The following MEGF10 variants were observed in gnomAD, a reference collection of about 807,000 sequenced individuals.
MEGF10 encodes the protein multiple epidermal growth factor-like domains protein 10.
Under a neutral mutation model 147.5 loss-of-function variants are expected in MEGF10, and 86 were observed. The observed-to-expected ratio is 0.58, with a 90% CI of 0.49 to 0.70. MEGF10 has a LOEUF of 0.70. Among genes scored for constraint, MEGF10 ranks in the 30% least tolerant of loss-of-function variants. The pLI is 0.00. For missense variants in MEGF10, 1,329 were observed against 1,487.3 expected, an observed-to-expected ratio of 0.89 and a Z score of 1.75; for synonymous variants, 478 against 525.5, an observed-to-expected ratio of 0.91 and a Z score of 1.24.
In MEGF10 at chr5:127,420,383, A is replaced by G. The variant is rs748315843; in HGVS notation, c.1590+176A>G. On this transcript the variant is annotated intron_variant, in intron 12 of 24. Transcript: ENST00000503335. ...TTGGACGTAGGATTGGAAAAGAGAT[A>G]GACATGGAAACTGGTTAGATAGGCT... is the stretch of plus-strand genomic sequence containing the variant. Among the ~76,000 whole-genome samples the G allele has an allele frequency of 7.7e-4, 117 of 152,308 alleles. 5 individuals carry two copies. The highest frequency in any genetic ancestry group is 8.5e-4 in the Admixed American group (13 of 15,300).
At chr5:127,269,184 TC>T in the MEGF10 span, among the ~76,000 whole-genome samples, 2 of 151,976 alleles carry the variant, frequency 1.3e-5, no homozygotes, top group African/African-American at 4.8e-5. Flanking sequence ...AGAGCACCTC[TC>T]CCCCTCCAAA....
intron 4 of MEGF10, among the ~76,000 whole-genome samples, chr5:127,341,808 A>G (rs1285442032): frequency 1.3e-5 from 2 of 152,194 alleles, no homozygotes; most frequent in Non-Finnish European, 2.9e-5. Flanking sequence ...TTGTTGCATT[A>G]TAAATATTTG....
intron 6 of MEGF10, among the ~76,000 whole-genome samples, chr5:127,397,897 G>T (rs967305463): frequency 2.0e-5 from 3 of 152,104 alleles, no homozygotes; most frequent in Non-Finnish European, 2.9e-5. Flanking sequence ...TGATGAGAAG[G>T]AGTTCATGTC....
At chr5:127,414,826 A>C (rs1016944771) in intron 9 of MEGF10, among the ~76,000 whole-genome samples, 1 of 152,220 alleles carries the variant, frequency 6.6e-6, no homozygotes, top group African/African-American at 2.4e-5. Context: ...GAGAAAGAAG[A>C]CATTAAAGGA....
At chr5:127,265,667 C>T in the MEGF10 span, among the ~76,000 whole-genome samples, 112 of 152,164 alleles carry the variant, frequency 7.4e-4, no homozygotes, top group Non-Finnish European at 1.1e-3. Context: ...TCTCTGATGG[C>T]CAGTGGTGAT....
chr5:127,369,403 G>A (rs898011343), intron 4 of MEGF10, among the ~76,000 whole-genome samples: 3 of 152,128 alleles, frequency 2.0e-5, no homozygotes, highest in Admixed American at 6.5e-5. Flanking sequence ...AAAAGAGCAA[G>A]CAATTCTGCT....
chr5:127,377,360 C>T (rs1763071405), intron 5 of MEGF10, among the ~76,000 whole-genome samples: 1 of 152,174 alleles, frequency 6.6e-6, no homozygotes, highest in South Asian at 2.1e-4. Flanking sequence ...CTAAATCAGC[C>T]AGCATATGGT....
chr5:127,357,989 C>T (rs545768915), intron 4 of MEGF10, among the ~76,000 whole-genome samples: 9 of 152,266 alleles, frequency 5.9e-5, no homozygotes, highest in African/African-American at 2.2e-4. Context: ...CCTCTGAAGG[C>T]ATTTGAGTTT....
the MEGF10 span, among the ~76,000 whole-genome samples, chr5:127,234,656 A>C: frequency 6.6e-6 from 1 of 152,174 alleles, no homozygotes; most frequent in Non-Finnish European, 1.5e-5. Flanking sequence ...ATTCACATAG[A>C]TCATACTGAA....
At chr5:127,234,772 A>G in the MEGF10 span, among the ~76,000 whole-genome samples, 1 of 151,454 alleles carries the variant, frequency 6.6e-6, no homozygotes. Context: ...CTCACTTTTT[A>G]CTTTTCTATG....
chr5:127,277,596 T>C, the MEGF10 span, among the ~76,000 whole-genome samples: 6 of 152,278 alleles, frequency 3.9e-5, no homozygotes, highest in African/African-American at 1.4e-4. Flanking sequence ...ATGATCTAAC[T>C]TATGTTTTAA....
At chr5:127,336,392 T>C (rs2126792950) in intron 2 of MEGF10, among the ~76,000 whole-genome samples, 1 of 152,188 alleles carries the variant, frequency 6.6e-6, no homozygotes, top group Non-Finnish European at 1.5e-5. Flanking sequence ...AGGAATTGCA[T>C]AGAAGTTGCT....
At chr5:127,444,770 A>G (rs938634571) in intron 19 of MEGF10, 8 of 152,464 alleles carry the variant, frequency 5.2e-5, no homozygotes, top group Non-Finnish European at 1.2e-4. Flanking sequence ...AACTTTGCAC[A>G]GAACAATATC....
chr5:127,408,053 T>A (rs1475620382), intron 8 of MEGF10, among the ~76,000 whole-genome samples: 1 of 152,166 alleles, frequency 6.6e-6, no homozygotes, highest in Non-Finnish European at 1.5e-5. Flanking sequence ...AGTAGTGTGT[T>A]TAATTGTAGG....
At chr5:127,410,237 G>A in intron 8 of MEGF10, 152 bp from the exon 9 acceptor site, 2 of 686,636 alleles carry the variant, frequency 2.9e-6, no homozygotes, top group Non-Finnish European at 2.5e-6. Flanking sequence ...GTATCTTAAC[G>A]CTTTTCATCC....
the MEGF10 span, among the ~76,000 whole-genome samples, chr5:127,246,371 G>A: frequency 1.5e-4 from 23 of 151,986 alleles, no homozygotes; most frequent in Non-Finnish European, 1.3e-4. Flanking sequence ...ACCAAACACC[G>A]CATGTTCTCA....
intron 9 of MEGF10, among the ~76,000 whole-genome samples, chr5:127,411,119 T>C (rs1330831255): frequency 2.0e-5 from 3 of 152,222 alleles, no homozygotes; most frequent in Non-Finnish European, 4.4e-5. Flanking sequence ...AATATCTTTT[T>C]CGAATTGATT....
intron 5 of MEGF10, among the ~76,000 whole-genome samples, chr5:127,388,014 A>G (rs1192346962): frequency 6.6e-6 from 1 of 152,172 alleles, no homozygotes; most frequent in East Asian, 1.9e-4. Flanking sequence ...TCATTTATTC[A>G]CCAGATATTT....
intron 1 of MEGF10, among the ~76,000 whole-genome samples, chr5:127,327,199 C>A (rs1167692771): frequency 6.6e-6 from 1 of 152,180 alleles, no homozygotes; most frequent in Non-Finnish European, 1.5e-5. Flanking sequence ...ATCAGTTGTA[C>A]TGATTTTGTT....
Sources: gnomAD v4.1 joint callset for allele counts (sites outside exome capture counted in the v4.1 genomes callset) on GRCh38, gnomAD v4.1.1 for gene constraint, MANE v1.5 for transcripts, NCBI Gene and HGNC (gene_info 2026-07-23, HGNC 2026-07-21) for gene names.